Variants in GAD2 observed in about 807,000 individuals in gnomAD.
GAD2 encodes 65 kDa glutamic acid decarboxylase.
Under a neutral mutation model 80.1 loss-of-function variants are expected in GAD2, and 22 were observed. That is an observed-to-expected ratio of 0.27 (90% CI 0.20 to 0.39). GAD2 has a LOEUF of 0.39. Among genes scored for constraint, GAD2 ranks in the 10% least tolerant of loss-of-function variants. The pLI, the probability that GAD2 is intolerant of heterozygous loss-of-function variation, is 1.00. For synonymous variants in GAD2, 274 were observed against 256.9 expected (o/e 1.07, Z -0.64); for missense variants, 624 against 738.4 (o/e 0.85, Z 1.80).
intron 8 of GAD2, 92 bp downstream of exon 8, chr10:26,246,092 G>A: frequency 2.1e-6 from 2 of 967,880 alleles, no homozygotes; most frequent in African/African-American, 1.6e-5. Context: ...AGGACCACGG[G>A]GCAGCAAGTC....
intron 12 of GAD2, 134 bp from the exon 13 acceptor site, chr10:26,286,211 T>G (rs1033385584): frequency 1.7e-5 from 14 of 819,672 alleles, no homozygotes; most frequent in African/African-American, 7.0e-5. Flanking sequence ...TTCTTTTTTT[T>G]AAAATTGATT....
chr10:26,224,070 A>G (rs1844489018), intron 5 of GAD2, 93 bp downstream of exon 5: 1 of 861,696 alleles, frequency 1.2e-6, no homozygotes, highest in African/African-American at 1.7e-5. Flanking sequence ...GTTTTTTATT[A>G]AGTAGCCACT....
At chr10:26,245,242 A>G (rs1355436657) in intron 7 of GAD2, among the ~76,000 whole-genome samples, 1 of 151,508 alleles carries the variant, frequency 6.6e-6, no homozygotes, top group African/African-American at 2.4e-5. Flanking sequence ...GGGGAGGGAG[A>G]GCATTAGGAA....
intron 9 of GAD2, 90 bp downstream of exon 9, chr10:26,269,263 G>A (rs1191798925): frequency 1.8e-5 from 19 of 1,077,664 alleles, no homozygotes; most frequent in Non-Finnish European, 2.3e-5. Flanking sequence ...TTTAAAAAGA[G>A]GATCCAAGCC....
chr10:26,238,171 C>T (rs1352822281), intron 7 of GAD2, among the ~76,000 whole-genome samples: 1 of 152,148 alleles, frequency 6.6e-6, no homozygotes, highest in African/African-American at 2.4e-5. Context: ...AAAGGCTACC[C>T]TTTTTGGGGA....
intron 8 of GAD2, among the ~76,000 whole-genome samples, chr10:26,252,321 A>G (rs978194969): frequency 6.6e-6 from 1 of 152,112 alleles, no homozygotes. Context: ...ATGTGGAGGA[A>G]GATCCTGCGA....
In GAD2 at chr10:26,301,540, G is replaced by A. The variant is rs1388206036; in HGVS notation, c.*579G>A. On this transcript the variant is annotated 3_prime_UTR_variant, in exon 16 of 16. Coordinates refer to ENST00000376261, the MANE Select transcript of GAD2 (RefSeq NM_001134366.2). ...ATTTTATATAGGTTATACAAACTGC[G>A]GGGGCAGATATAAAATCTAAGCCAG... 6.6e-6 allele frequency: 1 copy of A among 151,794 alleles called. No individual in the cohort carries two copies. Among genetic ancestry groups the A allele is most frequent in the African/African-American group, 2.4e-5 (1 of 41,332 alleles). The allele number at this position is 151,794 out of a possible 1,614,324, so 9.4% of individuals were successfully genotyped here.
chr10:26,245,733 C>G (rs141403839), intron 7 of GAD2, among the ~76,000 whole-genome samples, 188 bp from the exon 8 acceptor site: 3 of 152,100 alleles, frequency 2.0e-5, no homozygotes, highest in Non-Finnish European at 4.4e-5. Context: ...TGAGCCACCA[C>G]GCCCAGCTGT....
At chr10:26,298,315 C>T (rs930250051) in intron 15 of GAD2, among the ~76,000 whole-genome samples, 12 of 152,160 alleles carry the variant, frequency 7.9e-5, no homozygotes, top group Admixed American at 3.3e-4. Context: ...ATCTTATTTT[C>T]CTTCTTAACT....
intron 7 of GAD2, among the ~76,000 whole-genome samples, chr10:26,244,119 T>A (rs181827517): frequency 6.6e-6 from 1 of 152,210 alleles, no homozygotes; most frequent in African/African-American, 2.4e-5. Flanking sequence ...AAGCACATGA[T>A]GCTAAGCACA....
At chr10:26,230,577 G>C (rs1380430670) in intron 7 of GAD2, among the ~76,000 whole-genome samples, 1 of 152,086 alleles carries the variant, frequency 6.6e-6, no homozygotes, top group African/African-American at 2.4e-5. Context: ...AGGGACTCCA[G>C]ATATGTATCA....
At chr10:26,237,062 T>G in intron 7 of GAD2, among the ~76,000 whole-genome samples, 1 of 152,178 alleles carries the variant, frequency 6.6e-6, no homozygotes, top group South Asian at 2.1e-4. Flanking sequence ...GCTTCCTTTA[T>G]TCCTCCCTTC....
At chr10:26,274,724 A>G (rs529151723) in intron 11 of GAD2, among the ~76,000 whole-genome samples, 39 of 152,312 alleles carry the variant, frequency 2.6e-4, no homozygotes, top group Admixed American at 5.9e-4. Flanking sequence ...GCGATCTGAC[A>G]CCCAGGCCCA....
intron 11 of GAD2, among the ~76,000 whole-genome samples, chr10:26,273,922 A>C (rs1206582756): frequency 6.6e-6 from 1 of 152,198 alleles, no homozygotes. Context: ...ATCAGAATAC[A>C]CATCAAGCGA....
intron 8 of GAD2, among the ~76,000 whole-genome samples, chr10:26,258,256 G>C (rs1844967964): frequency 6.6e-6 from 1 of 152,220 alleles, no homozygotes; most frequent in Non-Finnish European, 1.5e-5. Context: ...TTCTATCATA[G>C]CCCCTCACAG....
At chr10:26,248,558 C>T (rs1010147723) in intron 8 of GAD2, among the ~76,000 whole-genome samples, 4 of 152,170 alleles carry the variant, frequency 2.6e-5, no homozygotes, top group African/African-American at 9.7e-5. Context: ...ATCAAATATC[C>T]TGTGGTTCTA....
intron 7 of GAD2, among the ~76,000 whole-genome samples, chr10:26,239,803 G>A (rs1055007059): frequency 2.6e-5 from 4 of 152,156 alleles, no homozygotes; most frequent in Non-Finnish European, 4.4e-5. Context: ...GAAAATGAAC[G>A]GCAAGTGCAA....
At chr10:26,241,993 G>T (rs1347096500) in intron 7 of GAD2, among the ~76,000 whole-genome samples, 2 of 151,840 alleles carry the variant, frequency 1.3e-5, no homozygotes, top group African/African-American at 4.8e-5. Flanking sequence ...TTGTTTGTTT[G>T]TTTTTGAGAC....
At chr10:26,293,956 G>A (rs1332762216) in intron 15 of GAD2, among the ~76,000 whole-genome samples, 2 of 152,210 alleles carry the variant, frequency 1.3e-5, no homozygotes, top group Non-Finnish European at 2.9e-5. Flanking sequence ...GTCTGCATCC[G>A]AGCCTAAGGG....
Sources: gnomAD v4.1 joint callset for allele counts (sites outside exome capture counted in the v4.1 genomes callset) on GRCh38, gnomAD v4.1.1 for gene constraint, MANE v1.5 for transcripts, NCBI Gene and HGNC (gene_info 2026-07-23, HGNC 2026-07-21) for gene names.